SLC14A2: variants seen among roughly 807,000 people sequenced by gnomAD.
SLC14A2 encodes the protein urea transporter 2.
A neutral mutation model predicts 104.6 loss-of-function variants in SLC14A2; 91 were observed. The ratio of observed to expected loss-of-function variants is 0.87; its 90% CI spans 0.73 to 1.04. The LOEUF (loss-of-function observed/expected upper bound fraction) is 1.04, where lower values mean the gene tolerates loss of function less well. Ranked by LOEUF, SLC14A2 falls within the 50% of genes least tolerant of loss-of-function variation. The probability of loss-of-function intolerance (pLI) is 0.00; values close to 1 mark genes in which losing one functional copy is unlikely to be tolerated. For missense variants in SLC14A2, 1,189 were observed against 1,156.0 expected (o/e 1.03, Z -0.41); for synonymous variants, 476 against 466.4 (o/e 1.02, Z -0.27).
At chr18:45,246,309 A>G (rs2084366914) in intron 1 of SLC14A2, among the ~76,000 whole-genome samples, 1 of 152,120 alleles carries the variant, frequency 6.6e-6, no homozygotes, top group Non-Finnish European at 1.5e-5. Flanking sequence ...AACTGTGAGG[A>G]AGTAAATTTC....
rs534961903 is a variant in SLC14A2 at position 45,316,142 on chromosome 18, C to G, written c.-125+102951C>G. 4.6e-5 allele frequency among the ~76,000 whole-genome samples: 7 copies of G among 152,262 alleles called. No individual in the cohort carries two copies. In the South Asian group the frequency reaches 1.5e-3, roughly 32 times the overall value. The stretch of plus-strand genomic sequence containing the variant: ...GGGGAGCTGTTGAACCAAAGGAGAG[C>G]CCAGAGGAGAAAAGTACAAAGCAGA... On this transcript the variant is annotated intron_variant, in intron 1 of 20. Transcript: ENST00000586448.
At position 45,235,923 on chromosome 18, in the gene SLC14A2, GTATA is replaced by G. The variant is rs1346631334; in HGVS notation, c.-125+22736_-125+22739del. Among the ~76,000 whole-genome samples, 19 of 104,208 alleles carry G rather than the reference GTATA, an allele frequency of 1.8e-4. 3 individuals are homozygous for G. The highest frequency in any genetic ancestry group is 7.1e-4 in the East Asian group (3 of 4,250). The allele number at this position is 104,208 out of a possible 152,430, so 68.4% of individuals were successfully genotyped here. Reference sequence around the variant, plus strand: ...TGTATGTATATATACATATATGTGTGTATATATGTATATATACATATATGTGTGT... The same window carrying G: ...TGTATGTATATATACATATATGTGTGTATGTATATATACATATATGTGTGT... On this transcript the variant is annotated intron_variant, in intron 1 of 20. Coordinates refer to the SLC14A2 transcript ENST00000586448.
chr18:45,222,518 CAG>C (rs2084073020), intron 1 of SLC14A2, among the ~76,000 whole-genome samples: 1 of 152,216 alleles, frequency 6.6e-6, no homozygotes, highest in South Asian at 2.1e-4. Flanking sequence ...AAAAGCTTGA[CAG>C]AGAAGTGGGA....
the SLC14A2 span, among the ~76,000 whole-genome samples, chr18:45,198,506 G>A: frequency 6.6e-6 from 1 of 152,026 alleles, no homozygotes; most frequent in East Asian, 1.9e-4. Flanking sequence ...TTATTCTGTA[G>A]CTTGCTTCCC....
chr18:45,668,841 TG>T (rs921308906), intron 15 of SLC14A2, among the ~76,000 whole-genome samples: 10 of 152,286 alleles, frequency 6.6e-5, no homozygotes, highest in Admixed American at 4.6e-4. Flanking sequence ...TCTAAATCCT[TG>T]GGACCCCTGA....
intron 18 of SLC14A2, among the ~76,000 whole-genome samples, chr18:45,675,896 T>C (rs1166053463): frequency 6.6e-6 from 1 of 151,804 alleles, no homozygotes; most frequent in African/African-American, 2.4e-5. Context: ...TAGGGCCCAT[T>C]GATAGGCAAC....
At chr18:45,587,494 G>A (rs1040732046) in intron 2 of SLC14A2, among the ~76,000 whole-genome samples, 2 of 152,154 alleles carry the variant, frequency 1.3e-5, no homozygotes, top group African/African-American at 2.4e-5. Flanking sequence ...GAACCTAAAG[G>A]TAGTTTCCCA....
At chr18:45,422,250 A>G (rs1342098597) in intron 1 of SLC14A2, among the ~76,000 whole-genome samples, 2 of 152,174 alleles carry the variant, frequency 1.3e-5, no homozygotes, top group Non-Finnish European at 2.9e-5. Context: ...GCCTGTTTGC[A>G]GCAGCTATTA....
chr18:45,527,349 AT>A (rs1207838310), intron 2 of SLC14A2, among the ~76,000 whole-genome samples: 4 of 152,136 alleles, frequency 2.6e-5, no homozygotes, highest in Non-Finnish European at 5.9e-5. Context: ...TTATGATCCC[AT>A]TTTTTATCTC....
At chr18:45,623,829 G>A (rs551359458) in intron 1 of SLC14A2, among the ~76,000 whole-genome samples, 26 of 152,256 alleles carry the variant, frequency 1.7e-4, no homozygotes, top group African/African-American at 5.3e-4. Flanking sequence ...CCGCATGCAG[G>A]TCCAAAACCA....
intron 2 of SLC14A2, among the ~76,000 whole-genome samples, chr18:45,603,240 A>G (rs934327758): frequency 4.6e-5 from 7 of 152,160 alleles, no homozygotes; most frequent in Non-Finnish European, 7.4e-5. Context: ...GTGATCCCCA[A>G]TCACAGCAAT....
intron 1 of SLC14A2, among the ~76,000 whole-genome samples, chr18:45,448,177 G>C (rs915724268): frequency 1.3e-5 from 2 of 152,200 alleles, no homozygotes; most frequent in East Asian, 3.8e-4. Context: ...ATTTGTATAT[G>C]TTGATTTAGA....
At chr18:45,517,146 C>T (rs144333224) in intron 2 of SLC14A2, among the ~76,000 whole-genome samples, 1 of 152,268 alleles carries the variant, frequency 6.6e-6, no homozygotes, top group Non-Finnish European at 1.5e-5. Flanking sequence ...GGCTCAGGGC[C>T]CACCTCCATC....
intron 2 of SLC14A2, among the ~76,000 whole-genome samples, chr18:45,549,038 G>A (rs1205563865): frequency 1.3e-5 from 2 of 152,212 alleles, no homozygotes; most frequent in African/African-American, 2.4e-5. Flanking sequence ...TATTGCCGAA[G>A]GCTAGCGCCT....
rs2043557876 is a variant in SLC14A2 at position 45,524,138 on chromosome 18, G to C, written c.-35+40816G>C. On this transcript the variant is annotated intron_variant, in intron 2 of 20. Coordinates refer to the SLC14A2 transcript ENST00000586448. ...CCTGGATGGAGCCTGGTCCTTAGTG[G>C]GTGCTCAATAAGTGATCCTTATTAC... Among the ~76,000 whole-genome samples, 3 of 152,216 alleles carry C rather than the reference G, an allele frequency of 2.0e-5. 1 individual carries two copies. In the Middle Eastern group the frequency reaches 0.01, roughly 518 times the overall value.
chr18:45,324,021 C>T (rs769298990), intron 1 of SLC14A2, among the ~76,000 whole-genome samples: 6 of 152,082 alleles, frequency 3.9e-5, no homozygotes, highest in Non-Finnish European at 7.4e-5. Context: ...GTGAAAGAGA[C>T]GTTATAATTT....
intron 2 of SLC14A2, among the ~76,000 whole-genome samples, chr18:45,597,708 C>G (rs184153077): frequency 6.6e-5 from 10 of 152,076 alleles, no homozygotes; most frequent in African/African-American, 2.4e-4. Flanking sequence ...TTCAAAGGAA[C>G]GCTTAGGCTG....
At chr18:45,308,281 C>A (rs2085044292) in intron 1 of SLC14A2, among the ~76,000 whole-genome samples, 1 of 152,060 alleles carries the variant, frequency 6.6e-6, no homozygotes, top group Non-Finnish European at 1.5e-5. Flanking sequence ...CATATTTTTC[C>A]ACCTAAAAAT....
chr18:45,217,748 C>A (rs2084023777), intron 1 of SLC14A2, among the ~76,000 whole-genome samples: 1 of 152,160 alleles, frequency 6.6e-6, no homozygotes, highest in Non-Finnish European at 1.5e-5. Context: ...CCTGTGCTTA[C>A]ATATGGTTGG....
Sources: gnomAD v4.1 joint callset for allele counts (sites outside exome capture counted in the v4.1 genomes callset) on GRCh38, gnomAD v4.1.1 for gene constraint, MANE v1.5 for transcripts, NCBI Gene and HGNC (gene_info 2026-07-23, HGNC 2026-07-21) for gene names.